The following PCDH11X variants were observed in gnomAD, a reference collection of about 807,000 sequenced individuals.
The protein encoded by PCDH11X is protocadherin 11 X-linked.
Under a neutral mutation model 53.3 loss-of-function variants are expected in PCDH11X, and 18 were observed. The observed-to-expected ratio is 0.34, with a 90% confidence interval of 0.23 to 0.50. The LOEUF (loss-of-function observed/expected upper bound fraction) is 0.50, where lower values mean the gene tolerates loss of function less well. Among genes scored for constraint, PCDH11X ranks in the 20% least tolerant of loss-of-function variants. The pLI is 0.98. For synonymous variants in PCDH11X, 279 were observed against 393.3 expected, an observed-to-expected ratio of 0.71 and a Z score of 3.44; for missense variants, 570 against 1,032.4, an observed-to-expected ratio of 0.55 and a Z score of 6.14.
At chrX:92,126,577 C>G (rs1323954000) in intron 6 of PCDH11X, among the ~76,000 whole-genome samples, 1 of 108,886 alleles carries the variant, frequency 9.2e-6, no homozygotes, top group Non-Finnish European at 1.9e-5. Flanking sequence ...CCATTGCACT[C>G]CAGTCTGGGC....
Position 91,905,850 on chromosome X carries a change from C to T in PCDH11X, c.3033+26577C>T, listed in dbSNP as rs1941135347. 4.5e-5 allele frequency among the ~76,000 whole-genome samples: 5 copies of T among 110,885 alleles called. No individual in the cohort carries two copies. In the South Asian group the frequency reaches 1.9e-3, roughly 42 times the overall value. ...TAAGTGTTTAACTGTGCCATGGTGC[C>T]ATTCAGAAGAATAAAAGTCTGCCCA... On this transcript the variant is annotated intron_variant, in intron 6 of 10. Coordinates refer to ENST00000682573, the MANE Select transcript of PCDH11X (RefSeq NM_032968.5).
chrX:92,407,610 T>C (rs1385099166), intron 9 of PCDH11X, among the ~76,000 whole-genome samples: 1 of 109,948 alleles, frequency 9.1e-6, no homozygotes, highest in Non-Finnish European at 1.9e-5. Flanking sequence ...ATGTAGCTGA[T>C]TTTTAAATTT....
At chrX:91,894,121 G>A (rs1171836823) in intron 6 of PCDH11X, among the ~76,000 whole-genome samples, 1 of 111,783 alleles carries the variant, frequency 8.9e-6, no homozygotes, top group East Asian at 2.8e-4. Flanking sequence ...CATTTCCATG[G>A]TACATGTTTT....
In PCDH11X at chrX:92,267,293, A is replaced by G. The variant is rs150611663; in HGVS notation, c.3144+4150A>G. The stretch of plus-strand genomic sequence containing the variant: ...GCTTGTTAAAGAGAATGTTCACTAA[A>G]GTGCTAAACTGAATATGGCAGAAAC... On this transcript the variant is annotated intron_variant, in intron 8 of 10. Transcript: ENST00000682573. Among the ~76,000 whole-genome samples, 576 of 112,201 alleles carry G rather than the reference A, an allele frequency of 5.1e-3. 1 individual carries two copies. Among genetic ancestry groups the G allele is most frequent in the Middle Eastern group, 0.028 (6 of 217 alleles).
At chrX:91,931,840 C>T (rs1176202362) in intron 6 of PCDH11X, among the ~76,000 whole-genome samples, 6 of 110,942 alleles carry the variant, frequency 5.4e-5, no homozygotes, top group South Asian at 3.8e-4. Flanking sequence ...TTTTATTTTA[C>T]GTTCCAGGGT....
chrX:92,374,179 T>A (rs188588228), intron 8 of PCDH11X, among the ~76,000 whole-genome samples: 1 of 110,376 alleles, frequency 9.1e-6, no homozygotes, highest in African/African-American at 3.3e-5. Flanking sequence ...ACCTCACTTT[T>A]ATATTTGTCA....
At chrX:92,576,525 C>T (rs1354159185) in intron 10 of PCDH11X, among the ~76,000 whole-genome samples, 1 of 96,792 alleles carries the variant, frequency 1.0e-5, no homozygotes, top group Non-Finnish European at 2.1e-5. Flanking sequence ...GTGATTTTCT[C>T]TGGTGACACA....
At chrX:92,009,137 T>C (rs1204449074) in intron 6 of PCDH11X, among the ~76,000 whole-genome samples, 1 of 112,370 alleles carries the variant, frequency 8.9e-6, no homozygotes, top group African/African-American at 3.2e-5. Flanking sequence ...ATTTGAAATA[T>C]CTAAGTTTAT....
intron 1 of PCDH11X, among the ~76,000 whole-genome samples, chrX:91,806,124 A>T (rs754186402): frequency 1.8e-5 from 2 of 113,727 alleles, no homozygotes; most frequent in East Asian, 5.4e-4. Flanking sequence ...TCTATTTATA[A>T]TGAATATTTT....
chrX:92,124,682 C>T (rs1305610025), intron 6 of PCDH11X, among the ~76,000 whole-genome samples: 1 of 109,253 alleles, frequency 9.2e-6, no homozygotes, highest in Non-Finnish European at 1.9e-5. Flanking sequence ...TGAAAGCATC[C>T]CAAGGTTTTC....
At chrX:91,824,274 C>T (rs1440975137) in intron 4 of PCDH11X, among the ~76,000 whole-genome samples, 1 of 110,862 alleles carries the variant, frequency 9.0e-6, no homozygotes, top group Admixed American at 9.6e-5. Flanking sequence ...GAGTGTTTTC[C>T]AACTTGGTTC....
At chrX:91,889,698 T>G (rs897738318) in intron 6 of PCDH11X, among the ~76,000 whole-genome samples, 2 of 110,678 alleles carry the variant, frequency 1.8e-5, no homozygotes, top group Non-Finnish European at 3.8e-5. Context: ...TGTGTTTACA[T>G]GATACCAAAA....
intron 10 of PCDH11X, among the ~76,000 whole-genome samples, chrX:92,522,047 T>C (rs181622741): frequency 2.5e-3 from 286 of 112,332 alleles, no homozygotes; most frequent in African/African-American, 8.6e-3. Flanking sequence ...TTTTTGTAAT[T>C]AATGTGTTAA....
intron 6 of PCDH11X, among the ~76,000 whole-genome samples, chrX:92,075,124 T>C (rs1414142535): frequency 9.1e-6 from 1 of 109,509 alleles, no homozygotes; most frequent in Non-Finnish European, 1.9e-5. Context: ...GATTGTGTTC[T>C]CCTTCTTGCA....
chrX:92,309,830 T>C (rs970547714), intron 8 of PCDH11X, among the ~76,000 whole-genome samples: 1 of 111,628 alleles, frequency 9.0e-6, no homozygotes, highest in Non-Finnish European at 1.9e-5. Flanking sequence ...AAGCCAGTGA[T>C]AGCAGGGACA....
chrX:92,479,448 A>G (rs1294078400), intron 10 of PCDH11X, among the ~76,000 whole-genome samples: 5 of 106,495 alleles, frequency 4.7e-5, no homozygotes, highest in Non-Finnish European at 7.7e-5. Context: ...GGTTCTTCAT[A>G]GCGTCACTGG....
chrX:92,226,352 C>T (rs12380909), intron 7 of PCDH11X, among the ~76,000 whole-genome samples: 7,343 of 111,096 alleles, frequency 0.066, 314 homozygotes, highest in East Asian at 0.18. Flanking sequence ...GTTAATAGAT[C>T]GAGTAGAGAA....
intron 7 of PCDH11X, among the ~76,000 whole-genome samples, chrX:92,261,297 T>C (rs977467901): frequency 9.0e-6 from 1 of 111,616 alleles, no homozygotes; most frequent in Non-Finnish European, 1.9e-5. Context: ...CTTTTCTCAA[T>C]AGAAATTGTC....
chrX:92,074,089 A>G (rs2063741722), intron 6 of PCDH11X, among the ~76,000 whole-genome samples: 1 of 111,628 alleles, frequency 9.0e-6, no homozygotes, highest in Non-Finnish European at 1.9e-5. Flanking sequence ...GCATGATTTT[A>G]TAATAATCTG....
Sources: allele counts gnomAD v4.1 joint callset (sites outside exome capture counted in the v4.1 genomes callset), GRCh38; gene constraint gnomAD v4.1.1; transcripts MANE v1.5; gene names NCBI Gene and HGNC (gene_info 2026-07-23, HGNC 2026-07-21).